Variants in NGEF observed in about 807,000 individuals in gnomAD.
The protein encoded by NGEF is ephexin-1.
In NGEF, 31 loss-of-function variants were observed where a neutral mutation model predicts 80.9. The observed-to-expected ratio is 0.38, with a 90% CI of 0.29 to 0.52. The LOEUF is 0.52. Ranked by LOEUF, NGEF falls within the 20% of genes least tolerant of loss-of-function variation. The pLI, the probability that NGEF is intolerant of heterozygous loss-of-function variation, is 0.84. For synonymous variants in NGEF, 371 were observed against 370.2 expected (o/e 1.00, Z -0.03); for missense variants, 709 against 926.2 (o/e 0.77, Z 3.04).
chr2:232,922,388 C>A (rs1339942958), intron 4 of NGEF, among the ~76,000 whole-genome samples: 3 of 152,190 alleles, frequency 2.0e-5, no homozygotes, highest in Non-Finnish European at 4.4e-5. Flanking sequence ...AATTACAAAG[C>A]CTTTCTGCCA....
At chr2:232,984,328 G>A (rs1574653577) in intron 1 of NGEF, among the ~76,000 whole-genome samples, 1 of 151,676 alleles carries the variant, frequency 6.6e-6, no homozygotes, top group Non-Finnish European at 1.5e-5. Context: ...CTGGCCTTAA[G>A]CAATCATCCT....
At chr2:232,940,359 C>G (rs937771212) in intron 3 of NGEF, among the ~76,000 whole-genome samples, 1 of 152,188 alleles carries the variant, frequency 6.6e-6, no homozygotes, top group African/African-American at 2.4e-5. Context: ...GTGGAATTCA[C>G]CAAGGGGTGG....
chr2:232,905,621 G>A (rs768069851), intron 5 of NGEF: 9 of 331,872 alleles, frequency 2.7e-5, no homozygotes, highest in Admixed American at 7.2e-5. Context: ...AGTGAGGAGC[G>A]TCTCTGCCCG....
intron 1 of NGEF, 83 bp downstream of exon 1, chr2:233,012,985 A>G (rs1481329408): frequency 1.1e-5 from 5 of 462,320 alleles, no homozygotes; most frequent in South Asian, 7.9e-5. Context: ...CTCCTTTCCT[A>G]CCTGTCCTAG....
chr2:232,949,478 C>T lies in NGEF; in HGVS notation c.383+20736G>A, dbSNP rs189383722. On this transcript the variant is annotated intron_variant, in intron 3 of 14. Coordinates refer to ENST00000264051, the MANE Select transcript of NGEF (RefSeq NM_019850.3). ...CTCAGCTAGTGTGTTTCTCTGCACTCTTTCTTTTTTTTTTTTGAAATGGAG... is the reference window on the plus strand; with the variant it reads ...CTCAGCTAGTGTGTTTCTCTGCACTTTTTCTTTTTTTTTTTTGAAATGGAG... Among the ~76,000 whole-genome samples the T allele has an allele frequency of 6.0e-5, 8 of 133,318 alleles. No homozygotes were observed. In the Admixed American group the frequency reaches 6.2e-4, roughly 10 times the overall value. 87.5% of individuals were successfully genotyped at this position (133,318 alleles called of 152,430 possible).
At chr2:232,958,152 G>C (rs966793074) in intron 3 of NGEF, among the ~76,000 whole-genome samples, 5 of 152,174 alleles carry the variant, frequency 3.3e-5, no homozygotes, top group Admixed American at 2.6e-4. Context: ...ATGCCAGAGA[G>C]GAAACTAATT....
At chr2:232,971,498 A>T (rs1694183165) in intron 2 of NGEF, among the ~76,000 whole-genome samples, 1 of 152,202 alleles carries the variant, frequency 6.6e-6, no homozygotes, top group South Asian at 2.1e-4. Context: ...CAGCCTGGCC[A>T]ACATGGTGAA....
chr2:232,966,384 C>T (rs1694059439), intron 3 of NGEF, among the ~76,000 whole-genome samples: 1 of 152,340 alleles, frequency 6.6e-6, no homozygotes, highest in Non-Finnish European at 1.5e-5. Flanking sequence ...GAAATCATGC[C>T]TCTCTGCCTT....
intron 5 of NGEF, among the ~76,000 whole-genome samples, chr2:232,903,002 AAAAAC>A (rs10683294): frequency 1.3e-5 from 2 of 151,082 alleles, no homozygotes; most frequent in Admixed American, 1.3e-4. Flanking sequence ...AAAACAAAAC[AAAAAC>A]AAAACAAAAC....
At chr2:232,995,637 T>TATACA (rs1411265805) in intron 1 of NGEF, among the ~76,000 whole-genome samples, 42 of 54,896 alleles carry the variant, frequency 7.7e-4, no homozygotes, top group African/African-American at 2.2e-3. Flanking sequence ...ACTGTATATA[T>TATACA]GTATTATAGT....
intron 1 of NGEF, among the ~76,000 whole-genome samples, chr2:232,993,004 T>TATATAC (rs1553559387): frequency 1.9e-4 from 26 of 138,190 alleles, no homozygotes; most frequent in African/African-American, 7.0e-4. Context: ...TATATATATA[T>TATATAC]ACACACACAC....
At chr2:232,883,552 GC>G (rs1574984128) in intron 11 of NGEF, 86 bp from the exon 12 acceptor site, 1 of 1,327,326 alleles carries the variant, frequency 7.5e-7, no homozygotes. Flanking sequence ...AGGCCAACAA[GC>G]CTGGCTCCAC....
At chr2:232,929,242 TG>T (rs569783282) in intron 3 of NGEF, among the ~76,000 whole-genome samples, 1 of 151,956 alleles carries the variant, frequency 6.6e-6, no homozygotes, top group Non-Finnish European at 1.5e-5. Context: ...AATTCTTCGT[TG>T]GGGGGGATGC....
chr2:232,971,287 G>C (rs546595339), intron 2 of NGEF, among the ~76,000 whole-genome samples: 1 of 152,266 alleles, frequency 6.6e-6, no homozygotes, highest in South Asian at 2.1e-4. Context: ...TTCTCACCAT[G>C]TAGGTCAAGC....
chr2:232,991,022 C>CA (rs1428834553), intron 1 of NGEF, among the ~76,000 whole-genome samples: 2 of 145,968 alleles, frequency 1.4e-5, no homozygotes, highest in African/African-American at 5.6e-5. Context: ...TAGTATTTGA[C>CA]AAAATTCAAC....
intron 3 of NGEF, among the ~76,000 whole-genome samples, chr2:232,932,167 T>TC (rs1171882374): frequency 6.9e-6 from 1 of 145,392 alleles, no homozygotes; most frequent in Non-Finnish European, 1.5e-5. Context: ...ACCTTTCTTT[T>TC]TTTTTTTTTT....
intron 5 of NGEF, chr2:232,905,747 C>A (rs761159922): frequency 5.2e-6 from 2 of 388,280 alleles, no homozygotes; most frequent in South Asian, 1.7e-5. Context: ...AGCGCCTCTG[C>A]CCCACCGCCC....
chr2:232,921,337 A>AGGCTG (rs1004209702), intron 4 of NGEF, among the ~76,000 whole-genome samples: 7 of 152,216 alleles, frequency 4.6e-5, no homozygotes, highest in African/African-American at 1.7e-4. Flanking sequence ...TGCCTGCTGC[A>AGGCTG]GGCTGGGAGG....
chr2:232,890,617 CA>C (rs375328983), intron 8 of NGEF, among the ~76,000 whole-genome samples: 5 of 152,264 alleles, frequency 3.3e-5, no homozygotes, highest in African/African-American at 1.2e-4. Context: ...TGCACACCCC[CA>C]AACTGCTCAA....
Sources: allele counts gnomAD v4.1 joint callset (sites outside exome capture counted in the v4.1 genomes callset), GRCh38; gene constraint gnomAD v4.1.1; transcripts MANE v1.5; gene names NCBI Gene and HGNC (gene_info 2026-07-23, HGNC 2026-07-21).